The following ZNF783 variants were observed in gnomAD, a reference collection of about 807,000 sequenced individuals.
The protein encoded by ZNF783 is zinc finger protein 783.
ZNF783 carries 25 observed loss-of-function variants against 31.3 expected under a neutral mutation model. The ratio of observed to expected loss-of-function variants is 0.80; its 90% CI spans 0.58 to 1.11. The LOEUF is 1.11. Ranked by LOEUF, ZNF783 falls within the 50% of genes most tolerant of loss-of-function variation. The pLI is 0.00. For synonymous variants in ZNF783, 369 were observed against 319.1 expected, an observed-to-expected ratio of 1.16 and a Z score of -1.66; for missense variants, 797 against 760.0, an observed-to-expected ratio of 1.05 and a Z score of -0.57.
intron 4 of ZNF783, chr7:149,276,484 T>C: frequency 4.1e-6 from 4 of 985,528 alleles, no homozygotes; most frequent in Non-Finnish European, 4.8e-6. Flanking sequence ...TTTATAACTC[T>C]CCCGTACGTA....
chr7:149,282,493 G>A lies in ZNF783; in HGVS notation c.*150G>A, dbSNP rs559029845. The A allele has an allele frequency of 8.4e-5, 59 of 703,302 alleles. No homozygotes were observed. Among genetic ancestry groups the A allele is most frequent in the Admixed American group, 4.2e-4 (13 of 30,604 alleles). 43.6% of individuals were successfully genotyped at this position (703,302 alleles called of 1,614,324 possible). ...CCTTCTGGTGACATTGTGTGTGACC[G>A]GGTGCTTTCTGTTTCCTGTTTGCAC... On this transcript the variant is annotated 3_prime_UTR_variant, in exon 6 of 6. Transcript: ENST00000434415.
chr7:149,273,597 G>A (rs1797259662), intron 4 of ZNF783, among the ~76,000 whole-genome samples: 1 of 151,438 alleles, frequency 6.6e-6, no homozygotes, highest in Non-Finnish European at 1.5e-5. Context: ...TGTGACAGGA[G>A]TGCAGTGGCA....
intron 5 of ZNF783, among the ~76,000 whole-genome samples, chr7:149,281,164 C>T (rs1797457074): frequency 6.6e-6 from 1 of 152,204 alleles, no homozygotes; most frequent in South Asian, 2.1e-4. Context: ...GGGGTCCTGC[C>T]ACCCTCTCTG....
At chr7:149,279,654 T>A (rs6464948) in intron 5 of ZNF783, among the ~76,000 whole-genome samples, 15,626 of 128,182 alleles carry the variant, frequency 0.12, 929 homozygotes, top group East Asian at 0.21. Context: ...TTTTTTTTTT[T>A]AATTTTTTTT....
Position 149,267,791 on chromosome 7 carries a change from C to T in ZNF783, c.673+569C>T, listed in dbSNP as rs1447615204. 2.0e-5 allele frequency among the ~76,000 whole-genome samples: 3 copies of T among 150,668 alleles called. No homozygotes were observed. In the East Asian group the frequency reaches 5.8e-4, roughly 29 times the overall value. ...CAGCCTGGGTGACGGAGCAAGACTT[C>T]ATCTAAAAAAAAAAATAATGGGGAC... On this transcript the variant is annotated intron_variant, in intron 4 of 5. Transcript: ENST00000434415.
chr7:149,272,104 G>A (rs1797222117), intron 4 of ZNF783, among the ~76,000 whole-genome samples: 1 of 152,072 alleles, frequency 6.6e-6, no homozygotes, highest in South Asian at 2.1e-4. Flanking sequence ...TGTAATCCCT[G>A]ACTCCTGGGT....
chr7:149,282,887 A>C lies in ZNF783; in HGVS notation c.*544A>C, dbSNP rs1034490114. ...CTTTGCCTTTTGCAAAGTCGGAAAG[A>C]GTCGGCTTTTCCATGTGAGGCTCGC... On this transcript the variant is annotated 3_prime_UTR_variant, in exon 6 of 6. Transcript: ENST00000434415. The C allele has an allele frequency of 1.3e-5, 2 of 152,220 alleles. No individual in the cohort carries two copies. The highest frequency in any genetic ancestry group is 2.9e-5 in the Non-Finnish European group (2 of 68,188). The allele number at this position is 152,220 out of a possible 1,614,324, so 9.4% of individuals were successfully genotyped here.
At chr7:149,279,632 G>GTTTTTTTTTTTT (rs764203926) in intron 5 of ZNF783, among the ~76,000 whole-genome samples, 2 of 100,324 alleles carry the variant, frequency 2.0e-5, no homozygotes, top group Admixed American at 1.2e-4. Flanking sequence ...TTTTATCTTT[G>GTTTTTTTTTTTT]TTTTTTTTTT....
chr7:149,280,340 T>C (rs1269512340), intron 5 of ZNF783, among the ~76,000 whole-genome samples: 1 of 149,550 alleles, frequency 6.7e-6, no homozygotes, highest in Non-Finnish European at 1.5e-5. Flanking sequence ...CTGCCAGGCA[T>C]GGGGCCTGGG....
rs61735518 is a variant in ZNF783 at position 149,282,232 on chromosome 7, C to A, written c.1530C>A (p.Ala510=). ...GRTFNRNHHL[A]VHMQTHARGQ... is the part of the protein sequence containing the mutation. ...CCTTCAACCGCAACCACCACCTGGCCGTGCACATGCAGACCCACGCCCGAG... is the reference window on the plus strand; with the variant it reads ...CCTTCAACCGCAACCACCACCTGGCAGTGCACATGCAGACCCACGCCCGAG... Residue 510 remains alanine (A), a synonymous_variant, in exon 6 of 6, where the codon GCC becomes GCA. Transcript: ENST00000434415. 2 of 1,597,786 alleles carry A rather than the reference C, an allele frequency of 1.3e-6. No homozygotes were observed. Among genetic ancestry groups the A allele is most frequent in the Non-Finnish European group, 1.7e-6 (2 of 1,179,260 alleles).
Position 149,266,949 on chromosome 7 carries a change from A to G in ZNF783, c.547+4A>G, listed in dbSNP as rs1253956070. ...TACGAGACGCTGGTCTCCCTGGGTA[A>G]GGCCACGGAGGGAGGATCTGGGCCT... On this transcript the variant is annotated splice_donor_region_variant and intron_variant, in intron 3 of 5. Coordinates refer to ENST00000434415, the MANE Select transcript of ZNF783 (RefSeq NM_001195220.2). The G allele has an allele frequency of 1.2e-6, 2 of 1,614,022 alleles. No individual in the cohort carries two copies. Among genetic ancestry groups the G allele is most frequent in the Non-Finnish European group, 1.7e-6 (2 of 1,180,000 alleles).
intron 1 of ZNF783, among the ~76,000 whole-genome samples, chr7:149,265,364 G>A (rs1797039627): frequency 6.6e-6 from 1 of 152,116 alleles, no homozygotes; most frequent in South Asian, 2.1e-4. Flanking sequence ...TTAAAAAAAA[G>A]GCCATATGAA....
In ZNF783 at chr7:149,262,229, T is replaced by A. The variant is rs1196937912; in HGVS notation, c.-105T>A. On this transcript the variant is annotated 5_prime_UTR_variant, in exon 1 of 6. Transcript: ENST00000434415. ...GTTCGCTGCCGCCCGGCAGTAGCTC[T>A]CAGGTTAGGCGGGTCCCGCTCCGCT... 1 of 1,086,802 alleles carries A rather than the reference T, an allele frequency of 9.2e-7. No individual in the cohort carries two copies. Among genetic ancestry groups the A allele is most frequent in the Non-Finnish European group, 1.2e-6 (1 of 842,554 alleles). The allele number at this position is 1,086,802 out of a possible 1,614,324, so 67.3% of individuals were successfully genotyped here.
chr7:149,282,396 C>A lies in ZNF783; in HGVS notation c.*53C>A. The A allele has an allele frequency of 2.2e-6, 3 of 1,365,512 alleles. No individual in the cohort carries two copies. Among genetic ancestry groups the A allele is most frequent in the East Asian group, 2.6e-5 (1 of 38,628 alleles). 84.6% of individuals were successfully genotyped at this position (1,365,512 alleles called of 1,614,324 possible). A position where few individuals can be genotyped will look rare whatever the true frequency, so the allele number is the denominator to read the frequency against. Reference sequence around the variant, plus strand: ...GGCGGGGTCTCTCCCCTGTGCCTGACGCAGGTTCTTCCTTTTCCTGGGATG... The same window carrying A: ...GGCGGGGTCTCTCCCCTGTGCCTGAAGCAGGTTCTTCCTTTTCCTGGGATG... On this transcript the variant is annotated 3_prime_UTR_variant, in exon 6 of 6. Coordinates refer to ENST00000434415, the MANE Select transcript of ZNF783 (RefSeq NM_001195220.2).
At position 149,282,550 on chromosome 7, in the gene ZNF783, T is replaced by C; in HGVS notation, c.*207T>C. The C allele has an allele frequency of 3.6e-6, 2 of 553,518 alleles. No homozygotes were observed. The highest frequency in any genetic ancestry group is 3.1e-6 in the Non-Finnish European group (1 of 321,514). The allele number at this position is 553,518 out of a possible 1,614,324, so 34.3% of individuals were successfully genotyped here. A position where few individuals can be genotyped will look rare whatever the true frequency, so the allele number is the denominator to read the frequency against. Reference sequence around the variant, plus strand: ...CTGCCTTTTCTGCATTCCTGACTTCTAAAAGATGCCTTAAGGCTTAAGGGA... The same window carrying C: ...CTGCCTTTTCTGCATTCCTGACTTCCAAAAGATGCCTTAAGGCTTAAGGGA... On this transcript the variant is annotated 3_prime_UTR_variant, in exon 6 of 6. Coordinates refer to ENST00000434415, the MANE Select transcript of ZNF783 (RefSeq NM_001195220.2).
At chr7:149,266,195 C>CT (rs1797059482) in intron 1 of ZNF783, 140 bp from the exon 2 acceptor site, 1 of 995,422 alleles carries the variant, frequency 1.0e-6, no homozygotes, top group Admixed American at 3.0e-5. Flanking sequence ...GCCTCTCCCT[C>CT]TCCCCCCCAG....
chr7:149,278,418 G>A lies in ZNF783; in HGVS notation c.693G>A (p.Glu231=), dbSNP rs1310021184. The A allele has an allele frequency of 2.7e-5, 43 of 1,599,416 alleles. No homozygotes were observed. The highest frequency in any genetic ancestry group is 3.6e-5 in the Non-Finnish European group (43 of 1,179,790). The stretch of plus-strand genomic sequence containing the variant: ...CTCCAGGCCTCCCTCCGTATCCAGA[G>A]CACCTCACCAGCCCACTTAGCCCTG... ...MMGTGLPPYP[E]HLTSPLSPAQ... Residue 231 remains glutamate (E), a synonymous_variant, in exon 5 of 6, where the codon GAG becomes GAA. Transcript: ENST00000434415.
In ZNF783 at chr7:149,282,449, C is replaced by G. The variant is rs1797501571; in HGVS notation, c.*106C>G. 3.0e-5 allele frequency: 31 copies of G among 1,033,310 alleles called. No individual in the cohort carries two copies. In the South Asian group the frequency reaches 5.1e-4, roughly 17 times the overall value. 64.0% of individuals were successfully genotyped at this position (1,033,310 alleles called of 1,614,324 possible). On this transcript the variant is annotated 3_prime_UTR_variant, in exon 6 of 6. Transcript: ENST00000434415. ...GAGAGGTTTGTTGTTTTTACCCATT[C>G]AAATGGGAAGCTAGCTGCCCTTCTG... is the stretch of plus-strand genomic sequence containing the variant.
intron 5 of ZNF783, 71 bp from the exon 6 acceptor site, chr7:149,281,434 G>A (rs1797461640): frequency 7.4e-7 from 1 of 1,355,700 alleles, no homozygotes; most frequent in Non-Finnish European, 9.6e-7. Context: ...TGGAAGCCAG[G>A]ACTGGGCCGA....
Sources: allele counts gnomAD v4.1 joint callset (sites outside exome capture counted in the v4.1 genomes callset), GRCh38; gene constraint gnomAD v4.1.1; transcripts MANE v1.5; gene names NCBI Gene and HGNC (gene_info 2026-07-23, HGNC 2026-07-21).